CDH13: variants seen among roughly 807,000 people sequenced by gnomAD.
CDH13 encodes cadherin-13.
CDH13 carries 24 observed loss-of-function variants against 63.8 expected under a neutral mutation model. The observed-to-expected ratio is 0.38, with a 90% CI of 0.27 to 0.53. The LOEUF (loss-of-function observed/expected upper bound fraction) is 0.53. Ranked by LOEUF, CDH13 falls within the 20% of genes least tolerant of loss-of-function variation. The pLI is 0.85. For synonymous variants in CDH13, 503 were observed against 355.3 expected (o/e 1.42, Z -4.67); for missense variants, 1,049 against 903.1 (o/e 1.16, Z -2.07).
At chr16:83,670,769 T>C in intron 8 of CDH13, 21 bp from the exon 9 acceptor site, 3 of 1,612,700 alleles carry the variant, frequency 1.9e-6, no homozygotes, top group Non-Finnish European at 1.7e-6. Flanking sequence ...TAGTGACCAT[T>C]ACCATCTGCT....
rs150363457 is a variant in CDH13, at chr16:83,123,566, A to C, written c.367-1819A>C. ...AGGGCTGGGATTACAGGCGTGAGCC[A>C]CTGCATCTGGCCCCACATTTTTTTT... On this transcript the variant is annotated intron_variant, in intron 3 of 13. Transcript: ENST00000567109. 4.0e-3 allele frequency among the ~76,000 whole-genome samples: 604 copies of C among 152,314 alleles called. 3 individuals are homozygous for C. The highest frequency in any genetic ancestry group is 0.013 in the African/African-American group (543 of 41,572).
rs375423773 is a variant in CDH13, at chr16:82,748,372, G to A, written c.46-109990G>A. On this transcript the variant is annotated intron_variant, in intron 1 of 13. Transcript: ENST00000567109. ...TATCAGCTTTTATTCTGACTTCCAG[G>A]ACAAAATGGTTGCCTGAGTTCTTAA... Among the ~76,000 whole-genome samples the A allele has an allele frequency of 6.4e-4, 98 of 152,298 alleles. 2 individuals carry two copies. In the South Asian group the frequency reaches 0.019, roughly 30 times the overall value.
chr16:83,221,451 C>A (rs938602906), intron 5 of CDH13, among the ~76,000 whole-genome samples: 1 of 152,140 alleles, frequency 6.6e-6, no homozygotes, highest in Non-Finnish European at 1.5e-5. Context: ...ATTTTGCCAG[C>A]ATTTGAGTGA....
chr16:82,991,603 T>A (rs541527213), intron 2 of CDH13, among the ~76,000 whole-genome samples: 159 of 152,236 alleles, frequency 1.0e-3, no homozygotes, highest in African/African-American at 3.6e-3. Flanking sequence ...ATATAAAACT[T>A]ACCCTTGACA....
chr16:83,419,731 C>A (rs971092244), intron 6 of CDH13, among the ~76,000 whole-genome samples: 1 of 152,210 alleles, frequency 6.6e-6, no homozygotes, highest in Non-Finnish European at 1.5e-5. Context: ...CATAAGTGTA[C>A]TGGCATTGTG....
At chr16:82,889,937 C>T (rs1313150216) in intron 2 of CDH13, among the ~76,000 whole-genome samples, 2 of 152,240 alleles carry the variant, frequency 1.3e-5, no homozygotes, top group African/African-American at 2.4e-5. Context: ...GGCCACAGAC[C>T]TCCATAGGTA....
At chr16:83,050,688 G>C (rs765617260) in intron 3 of CDH13, among the ~76,000 whole-genome samples, 5 of 151,830 alleles carry the variant, frequency 3.3e-5, no homozygotes, top group South Asian at 4.2e-4. Context: ...CAGGTCCATC[G>C]TGTCTACAGC....
intron 1 of CDH13, among the ~76,000 whole-genome samples, chr16:82,811,324 A>G (rs1225996026): frequency 1.3e-5 from 2 of 152,148 alleles, no homozygotes. Context: ...TTAAACATTG[A>G]CCATCATAGC....
chr16:82,833,244 A>G (rs1209255621), intron 1 of CDH13, among the ~76,000 whole-genome samples: 1 of 152,180 alleles, frequency 6.6e-6, no homozygotes, highest in East Asian at 1.9e-4. Flanking sequence ...GTGTAGCACT[A>G]TCTTACTGTG....
At chr16:82,813,220 A>G (rs56021933) in intron 1 of CDH13, among the ~76,000 whole-genome samples, 11,276 of 152,104 alleles carry the variant, frequency 0.074, 495 homozygotes, top group African/African-American at 0.1. Flanking sequence ...CAGGAAAACT[A>G]TGAGTTAAGG....
At chr16:83,678,853 G>C (rs977497882) in intron 10 of CDH13, among the ~76,000 whole-genome samples, 17 of 152,282 alleles carry the variant, frequency 1.1e-4, no homozygotes, top group African/African-American at 3.4e-4. Flanking sequence ...TGCTAACTCC[G>C]TTTACAGATA....
chr16:83,052,681 G>A (rs2030473016), intron 3 of CDH13, among the ~76,000 whole-genome samples: 1 of 149,796 alleles, frequency 6.7e-6, no homozygotes, highest in Admixed American at 6.7e-5. Flanking sequence ...TCGGGAGGCT[G>A]AGGCAGAATT....
At chr16:82,817,227 G>T (rs973026001) in intron 1 of CDH13, among the ~76,000 whole-genome samples, 1 of 151,974 alleles carries the variant, frequency 6.6e-6, no homozygotes, top group Non-Finnish European at 1.5e-5. Flanking sequence ...CTTGGAGAAG[G>T]TTTTCTCTCA....
chr16:83,683,962 G>A (rs555676957), intron 10 of CDH13, among the ~76,000 whole-genome samples: 1 of 152,218 alleles, frequency 6.6e-6, no homozygotes, highest in African/African-American at 2.4e-5. Context: ...GATAAGACTT[G>A]CTTCCACTTT....
chr16:82,968,454 T>TAGGAA (rs1908190710), intron 2 of CDH13, among the ~76,000 whole-genome samples: 1 of 152,220 alleles, frequency 6.6e-6, no homozygotes, highest in Non-Finnish European at 1.5e-5. Flanking sequence ...GGGGGTTAAG[T>TAGGAA]GACAGTTCTC....
intron 4 of CDH13, among the ~76,000 whole-genome samples, chr16:83,146,455 C>T (rs1338669747): frequency 6.6e-6 from 1 of 151,924 alleles, no homozygotes; most frequent in Non-Finnish European, 1.5e-5. Context: ...TTTGGTCTTC[C>T]CTTATGGTTA....
rs548669652 is a variant in CDH13, at chr16:83,171,667, G to A, written c.484-45678G>A. On this transcript the variant is annotated intron_variant, in intron 4 of 13. Coordinates refer to ENST00000567109, the MANE Select transcript of CDH13 (RefSeq NM_001257.5). ...TGCCATCAGGGGATTTAGTGACACT[G>A]CAAATAGCATGCTCTTTGGCAGGCA... 364 of 972,652 alleles carry A rather than the reference G, an allele frequency of 3.7e-4. 2 individuals carry two copies. The highest frequency in any genetic ancestry group is 2.1e-3 in the African/African-American group (131 of 62,212). 60.3% of individuals were successfully genotyped at this position (972,652 alleles called of 1,614,324 possible).
chr16:83,186,485 C>T (rs1363644271), intron 4 of CDH13, among the ~76,000 whole-genome samples: 1 of 152,076 alleles, frequency 6.6e-6, no homozygotes, highest in Non-Finnish European at 1.5e-5. Context: ...TATCAGTAGC[C>T]TCTGATGCTT....
In CDH13 at chr16:83,262,044, CT is replaced by C. The variant is rs1199286477; in HGVS notation, c.636+44549del. Among the ~76,000 whole-genome samples, 5 of 152,306 alleles carry C rather than the reference CT, an allele frequency of 3.3e-5. 1 individual carries two copies. Among genetic ancestry groups the C allele is most frequent in the South Asian group, 4.1e-4 (2 of 4,824 alleles). ...GTCTGAGGTTACCTGGTGCAGCTGTCTTCACGCTGGCACACTGAGAAGTTAC... is the reference window on the plus strand; with the variant it reads ...GTCTGAGGTTACCTGGTGCAGCTGTCTCACGCTGGCACACTGAGAAGTTAC... On this transcript the variant is annotated intron_variant, in intron 5 of 13. Coordinates refer to ENST00000567109, the MANE Select transcript of CDH13 (RefSeq NM_001257.5).
Sources: allele counts gnomAD v4.1 joint callset (sites outside exome capture counted in the v4.1 genomes callset), GRCh38; gene constraint gnomAD v4.1.1; transcripts MANE v1.5; gene names NCBI Gene and HGNC (gene_info 2026-07-23, HGNC 2026-07-21).